The following TCERG1L variants were observed in gnomAD, a reference collection of about 807,000 sequenced individuals.
TCERG1L encodes the protein transcription elongation regulator 1 like, also known as transcription elongation regulator 1-like protein.
A neutral mutation model predicts 56.3 loss-of-function variants in TCERG1L; 37 were observed. The ratio of observed to expected loss-of-function variants is 0.66; its 90% CI spans 0.51 to 0.87. The LOEUF (loss-of-function observed/expected upper bound fraction) is 0.87, where lower values mean the gene tolerates loss of function less well. Ranked by LOEUF, TCERG1L falls within the 40% of genes least tolerant of loss-of-function variation. TCERG1L has a pLI of 0.00. For synonymous variants in TCERG1L, 324 were observed against 326.3 expected (o/e 0.99, Z 0.08); for missense variants, 799 against 774.2 (o/e 1.03, Z -0.38).
intron 4 of TCERG1L, among the ~76,000 whole-genome samples, chr10:131,191,742 G>C (rs1346567043): frequency 7.2e-6 from 1 of 139,742 alleles, no homozygotes; most frequent in Non-Finnish European, 1.6e-5. Context: ...CCTGAAACTT[G>C]TAGTCCCAGC....
At chr10:131,149,342 T>C (rs1845838609) in intron 6 of TCERG1L, among the ~76,000 whole-genome samples, 1 of 108,770 alleles carries the variant, frequency 9.2e-6, no homozygotes, top group African/African-American at 2.6e-5. Flanking sequence ...CCCTTCCTGC[T>C]CTCAGATCAG....
In TCERG1L at chr10:131,094,761, C is replaced by T. The variant is rs556737001; in HGVS notation, c.1605-1443G>A. 1.4e-4 allele frequency among the ~76,000 whole-genome samples: 22 copies of T among 152,114 alleles called. No homozygotes were observed. The South Asian group carries it at 1.5e-3, about 10-fold the overall frequency. ...CCCCTTCCTTCCTTTACTGATGTAA[C>T]CACCTTGGTGTACCTTGGCTAAGCC... On this transcript the variant is annotated intron_variant, in intron 11 of 11. Transcript: ENST00000368642.
At chr10:131,160,669 T>C in intron 6 of TCERG1L, 1 of 152,344 alleles carries the variant, frequency 6.6e-6, no homozygotes, top group Non-Finnish European at 1.5e-5. Flanking sequence ...GAACATCTCC[T>C]GCCGCAGGGA....
intron 4 of TCERG1L, among the ~76,000 whole-genome samples, chr10:131,256,846 T>C (rs1846168386): frequency 6.7e-6 from 1 of 149,604 alleles, no homozygotes; most frequent in African/African-American, 2.5e-5. Flanking sequence ...ACCGCACCAC[T>C]GCACTCTCAG....
chr10:131,159,638 G>A (rs1055656937), intron 6 of TCERG1L, among the ~76,000 whole-genome samples: 3 of 152,126 alleles, frequency 2.0e-5, no homozygotes, highest in South Asian at 2.1e-4. Flanking sequence ...TAAGCGAGAC[G>A]GAAGCAGATG....
At chr10:131,179,792 A>T (rs1418886333) in intron 4 of TCERG1L, among the ~76,000 whole-genome samples, 2 of 152,116 alleles carry the variant, frequency 1.3e-5, no homozygotes, top group East Asian at 3.9e-4. Flanking sequence ...GTCCCCTTGC[A>T]AATAGTGAGG....
At chr10:131,265,982 G>A (rs1465590880) in intron 3 of TCERG1L, among the ~76,000 whole-genome samples, 4 of 152,250 alleles carry the variant, frequency 2.6e-5, no homozygotes, top group Non-Finnish European at 5.9e-5. Context: ...TTTAGCCGCA[G>A]TAGAACTTTC....
rs114227131 is a variant in TCERG1L, at chr10:131,134,360, G to A, written c.1259+19C>T. On this transcript the variant is annotated intron_variant, in intron 8 of 11. Transcript: ENST00000368642. ...ACACAGTAGGGAAAGATCTGCTGGG[G>A]AAGAGCACGGCCACCTACCGGTTCC... 3,640 of 1,571,564 alleles carry A rather than the reference G, an allele frequency of 2.3e-3. 77 individuals are homozygous for A. In the African/African-American group the frequency reaches 0.042, roughly 18 times the overall value.
chr10:131,231,543 C>T (rs1476709349), intron 4 of TCERG1L, among the ~76,000 whole-genome samples: 2 of 152,228 alleles, frequency 1.3e-5, no homozygotes, highest in East Asian at 3.9e-4. Flanking sequence ...GAGGTGCAGC[C>T]TCAGGAGCAC....
chr10:131,277,813 T>C (rs528453912), intron 3 of TCERG1L, among the ~76,000 whole-genome samples: 22 of 152,160 alleles, frequency 1.4e-4, no homozygotes, highest in African/African-American at 5.1e-4. Flanking sequence ...GAGGGCACAG[T>C]GACTGCCCAG....
At chr10:131,130,279 T>G (rs7895423) in intron 8 of TCERG1L, among the ~76,000 whole-genome samples, 46,507 of 151,990 alleles carry the variant, frequency 0.31, 8,740 homozygotes, top group Non-Finnish European at 0.42. Flanking sequence ...AGGGAAAGAC[T>G]GCCCTGGTGA....
intron 4 of TCERG1L, among the ~76,000 whole-genome samples, chr10:131,198,558 C>T (rs958615144): frequency 3.3e-5 from 5 of 152,254 alleles, no homozygotes; most frequent in African/African-American, 1.2e-4. Flanking sequence ...CAGGGCAAGG[C>T]TCCTCCAGTT....
At chr10:131,120,201 G>C (rs1291636153) in intron 8 of TCERG1L, among the ~76,000 whole-genome samples, 3 of 152,144 alleles carry the variant, frequency 2.0e-5, no homozygotes, top group Non-Finnish European at 2.9e-5. Flanking sequence ...GCGTGCATCT[G>C]TCCCATGCTG....
At chr10:131,098,875 T>C (rs776515834) in intron 10 of TCERG1L, among the ~76,000 whole-genome samples, 1 of 152,224 alleles carries the variant, frequency 6.6e-6, no homozygotes, top group African/African-American at 2.4e-5. Context: ...ACTTAGTTCG[T>C]GCTAGTCACT....
At position 131,116,945 on chromosome 10, in the gene TCERG1L, AC is replaced by A; in HGVS notation, c.1260-12del. The A allele has an allele frequency of 6.2e-7, 1 of 1,605,652 alleles. No individual in the cohort carries two copies. Among genetic ancestry groups the A allele is most frequent in the Non-Finnish European group, 8.5e-7 (1 of 1,176,646 alleles). On this transcript the variant is annotated splice_polypyrimidine_tract_variant and intron_variant, in intron 8 of 11. Coordinates refer to ENST00000368642, the MANE Select transcript of TCERG1L (RefSeq NM_174937.4). ...CCGCAGCCTTCGGTCCTTCAGGAAC[AC>A]AAGACGCAGAGTTAGACACACTCGT...
At position 131,230,368 on chromosome 10, in the gene TCERG1L, C is replaced by T. The variant is rs117293859; in HGVS notation, c.856+29891G>A. On this transcript the variant is annotated intron_variant, in intron 4 of 11. Coordinates refer to ENST00000368642, the MANE Select transcript of TCERG1L (RefSeq NM_174937.4). ...CCCAGCTTTCCCGTGGCCCCTTCCG[C>T]CTCCTGGGTGACCGCAGCACGTGCA... Among the ~76,000 whole-genome samples, 341 of 152,342 alleles carry T rather than the reference C, an allele frequency of 2.2e-3. 7 individuals are homozygous for T. In the East Asian group the frequency reaches 0.037, roughly 16 times the overall value.
intron 8 of TCERG1L, among the ~76,000 whole-genome samples, chr10:131,130,282 C>T (rs936032842): frequency 7.2e-5 from 11 of 152,074 alleles, no homozygotes; most frequent in Admixed American, 1.3e-4. Flanking sequence ...GAAAGACTGC[C>T]CTGGTGATTC....
intron 4 of TCERG1L, among the ~76,000 whole-genome samples, chr10:131,190,655 CA>C (rs35189047): frequency 7.0e-6 from 1 of 143,552 alleles, no homozygotes; most frequent in Non-Finnish European, 1.5e-5. Context: ...AAGTATTCAA[CA>C]AAATCCAGCA....
chr10:131,288,674 C>A (rs1474984087), intron 3 of TCERG1L, among the ~76,000 whole-genome samples: 3 of 152,190 alleles, frequency 2.0e-5, no homozygotes, highest in African/African-American at 7.2e-5. Flanking sequence ...TGCTATCATG[C>A]TGGATGAGAG....
Sources: allele counts gnomAD v4.1 joint callset (sites outside exome capture counted in the v4.1 genomes callset), GRCh38; gene constraint gnomAD v4.1.1; transcripts MANE v1.5; gene names NCBI Gene and HGNC (gene_info 2026-07-23, HGNC 2026-07-21).